The following PKD1L3 variants were observed in gnomAD, a reference collection of about 807,000 sequenced individuals.
PKD1L3 encodes polycystin-1-like protein 3.
A neutral mutation model predicts 184.1 loss-of-function variants in PKD1L3; 239 were observed. The observed-to-expected ratio is 1.30, with a 90% CI of 1.17 to 1.45. The LOEUF (loss-of-function observed/expected upper bound fraction) is 1.45. PKD1L3 is among the 40% of genes most tolerant of loss of function. PKD1L3 has a pLI of 0.00. For missense variants in PKD1L3, 2,660 were observed against 2,067.2 expected, an observed-to-expected ratio of 1.29 and a Z score of -5.56; for synonymous variants, 996 against 778.8, an observed-to-expected ratio of 1.28 and a Z score of -4.64.
At chr16:71,944,268 T>G in intron 22 of PKD1L3, 98 bp from the exon 23 acceptor site, 1 of 1,176,130 alleles carries the variant, frequency 8.5e-7, no homozygotes. Flanking sequence ...TCCTTTTAAA[T>G]GTTAAACAAG....
chr16:71,947,232 T>G (rs538726683), intron 22 of PKD1L3, among the ~76,000 whole-genome samples: 46 of 152,108 alleles, frequency 3.0e-4, no homozygotes, highest in African/African-American at 1.0e-3. Flanking sequence ...ACTCCAGCCT[T>G]GACAACAAGA....
chr16:71,951,194 T>C (rs1371280984), intron 19 of PKD1L3, among the ~76,000 whole-genome samples: 1 of 152,028 alleles, frequency 6.6e-6, no homozygotes, highest in African/African-American at 2.4e-5. Context: ...CGCCCGCCAC[T>C]ACACCTGGCT....
At chr16:71,964,491 A>G (rs897453807) in intron 15 of PKD1L3, among the ~76,000 whole-genome samples, 2 of 150,854 alleles carry the variant, frequency 1.3e-5, no homozygotes, top group South Asian at 4.2e-4. Flanking sequence ...GGAAGGAGCC[A>G]CCACGCCCGG....
At chr16:71,957,735 G>A (rs146935363) in intron 16 of PKD1L3, among the ~76,000 whole-genome samples, 1 of 152,126 alleles carries the variant, frequency 6.6e-6, no homozygotes, top group African/African-American at 2.4e-5. Context: ...AGGTTGCAGT[G>A]AGCCAAGATC....
chr16:71,930,030 A>C (rs1454511754), intron 29 of PKD1L3, 22 bp downstream of exon 29: 23 of 1,542,180 alleles, frequency 1.5e-5, no homozygotes, highest in Non-Finnish European at 1.8e-5. Context: ...ACAGCATGCT[A>C]GTTTATCTTT....
At chr16:71,936,712 C>T (rs1340441019) in intron 25 of PKD1L3, among the ~76,000 whole-genome samples, 1 of 152,014 alleles carries the variant, frequency 6.6e-6, no homozygotes. Context: ...GTCTCGAACT[C>T]CCTCAGGTAA....
intron 17 of PKD1L3, 24 bp downstream of exon 17, chr16:71,954,081 A>G: frequency 6.8e-7 from 1 of 1,478,278 alleles, no homozygotes; most frequent in Non-Finnish European, 9.0e-7. Context: ...ACTACAAACA[A>G]CACACATCAG....
Position 71,933,533 on chromosome 16 carries a change from G to A in PKD1L3, c.4825-12C>T, listed in dbSNP as rs1469914542. The A allele has an allele frequency of 1.3e-5, 20 of 1,533,266 alleles. No individual in the cohort carries two copies. The highest frequency in any genetic ancestry group is 1.7e-5 in the Non-Finnish European group (19 of 1,130,176). The allele number at this position is 1,533,266 out of a possible 1,614,324, so 95.0% of individuals were successfully genotyped here. Reference sequence around the variant, plus strand: ...AACAGCAGGTTAAACTGAACAGAAGGAGAAAGGCCAGTTAGTGCAAGCCGA... The same window carrying A: ...AACAGCAGGTTAAACTGAACAGAAGAAGAAAGGCCAGTTAGTGCAAGCCGA... On this transcript the variant is annotated splice_polypyrimidine_tract_variant and intron_variant, in intron 27 of 29. Transcript: ENST00000620267.
intron 24 of PKD1L3, 69 bp from the exon 25 acceptor site, chr16:71,937,488 C>T (rs2038221370): frequency 2.0e-6 from 3 of 1,498,816 alleles, no homozygotes; most frequent in South Asian, 2.6e-5. Flanking sequence ...TAAACTTTGT[C>T]TTTGAATAAC....
chr16:71,972,226 C>A (rs1248319463), intron 12 of PKD1L3, among the ~76,000 whole-genome samples: 1 of 147,560 alleles, frequency 6.8e-6, no homozygotes, highest in Non-Finnish European at 1.5e-5. Flanking sequence ...AAAAAACACA[C>A]AAAAAAACAA....
At chr16:71,947,420 C>A (rs1354126250) in intron 22 of PKD1L3, 72 bp downstream of exon 22, 3 of 974,278 alleles carry the variant, frequency 3.1e-6, no homozygotes, top group Non-Finnish European at 4.7e-6. Flanking sequence ...GTTAATTTAT[C>A]GAGTCAGCAA....
chr16:71,969,796 G>C lies in PKD1L3; in HGVS notation c.2184+79C>G, dbSNP rs1007472132. 6 of 1,291,812 alleles carry C rather than the reference G, an allele frequency of 4.6e-6. No individual in the cohort carries two copies. In the Admixed American group the frequency reaches 7.9e-5, roughly 17 times the overall value. 80.0% of individuals were successfully genotyped at this position (1,291,812 alleles called of 1,614,324 possible). A position where few individuals can be genotyped will look rare whatever the true frequency, so the allele number is the denominator to read the frequency against. The stretch of plus-strand genomic sequence containing the variant: ...CAGTACCAGGCTTCCTGCTGCTTTT[G>C]ACGAAGGTGTTTTTTCCTTCATCTT... On this transcript the variant is annotated intron_variant, in intron 13 of 29. Coordinates refer to ENST00000620267, the MANE Select transcript of PKD1L3 (RefSeq NM_181536.2).
chr16:71,988,979 C>G (rs1446944824), intron 4 of PKD1L3, among the ~76,000 whole-genome samples: 1 of 152,174 alleles, frequency 6.6e-6, no homozygotes, highest in African/African-American at 2.4e-5. Flanking sequence ...AGAATTTTAC[C>G]TTGTTTTTAA....
intron 11 of PKD1L3, 34 bp downstream of exon 11, chr16:71,977,202 C>A: frequency 1.4e-6 from 2 of 1,443,668 alleles, no homozygotes; most frequent in East Asian, 2.5e-5. Context: ...AAAAAGAAAT[C>A]AAAGTAAGTT....
chr16:71,966,347 A>G (rs2039500904), intron 15 of PKD1L3, among the ~76,000 whole-genome samples: 1 of 151,952 alleles, frequency 6.6e-6, no homozygotes. Flanking sequence ...CAAGGACTTT[A>G]TCATCGTCTA....
Position 71,954,108 on chromosome 16 carries a change from G to A in PKD1L3, c.2806C>T (p.Gln936Ter). Residue 936 changes from glutamine to a stop codon, truncating the protein, a stop_gained, in exon 17 of 30, where the codon CAA (glutamine) becomes TAA (stop). Coordinates refer to ENST00000620267, the MANE Select transcript of PKD1L3 (RefSeq NM_181536.2). LOFTEE classifies it high-confidence loss of function. Reference sequence around the variant, plus strand: ...ACACATCAGGGCTCATCCATACTTTGCTCATCTCTCTTGGCAGTGGTGCTG... The same window carrying A: ...ACACATCAGGGCTCATCCATACTTTACTCATCTCTCTTGGCAGTGGTGCTG... The part of the protein sequence containing the change: ...INSTTAKRDE[Q>*]MRPFAVAWSE... 6.5e-7 allele frequency: 1 copy of A among 1,532,200 alleles called. No homozygotes were observed. Among genetic ancestry groups the A allele is most frequent in the Non-Finnish European group, 8.8e-7 (1 of 1,139,140 alleles). The allele number at this position is 1,532,200 out of a possible 1,614,324, so 94.9% of individuals were successfully genotyped here.
chr16:71,990,055 G>A (rs1484590117), intron 4 of PKD1L3, among the ~76,000 whole-genome samples: 7 of 147,930 alleles, frequency 4.7e-5, no homozygotes, highest in African/African-American at 1.5e-4. Flanking sequence ...CTCCAGCCTG[G>A]GTGACAAAGT....
intron 1 of PKD1L3, 103 bp downstream of exon 1, chr16:71,999,581 T>A: frequency 7.7e-6 from 9 of 1,172,610 alleles, no homozygotes; most frequent in Non-Finnish European, 1.1e-6. Context: ...GACTGGTTTT[T>A]CTGTCTACAA....
chr16:71,998,154 G>A lies in PKD1L3; in HGVS notation c.418+118C>T, dbSNP rs918952463. 3 of 1,354,754 alleles carry A rather than the reference G, an allele frequency of 2.2e-6. No individual in the cohort carries two copies. The African/African-American group carries it at 4.4e-5, about 20-fold the overall frequency. The allele number at this position is 1,354,754 out of a possible 1,614,324, so 83.9% of individuals were successfully genotyped here. ...CAGCATCATGAAAATCAAAAGCCCT[G>A]TATCATCCCATGGTCTAACACTCAC... On this transcript the variant is annotated intron_variant, in intron 2 of 29. Transcript: ENST00000620267.
Sources: gnomAD v4.1 joint callset for allele counts (sites outside exome capture counted in the v4.1 genomes callset) on GRCh38, gnomAD v4.1.1 for gene constraint, MANE v1.5 for transcripts, NCBI Gene and HGNC (gene_info 2026-07-23, HGNC 2026-07-21) for gene names.